The following CTC1 variants were observed in gnomAD, a reference collection of about 807,000 sequenced individuals.
The protein encoded by CTC1 is CST telomere replication complex component 1.
CTC1 carries 91 observed loss-of-function variants against 136.3 expected under a neutral mutation model. The ratio of observed to expected loss-of-function variants is 0.67; its 90% CI spans 0.56 to 0.79. The LOEUF is 0.79. CTC1 is among the 30% of genes least tolerant of loss of function. The probability of loss-of-function intolerance (pLI) is 0.00; values close to 1 mark genes in which losing one functional copy is unlikely to be tolerated. For missense variants in CTC1, 1,432 were observed against 1,498.1 expected (o/e 0.96, Z 0.73); for synonymous variants, 606 against 613.8 (o/e 0.99, Z 0.19).
rs1986737695 is a variant in CTC1 at position 8,226,824 on chromosome 17, CCA to C, written c.*1354_*1355del. The stretch of plus-strand genomic sequence containing the variant: ...GTGAACCTTCCTTTCACCCGGGTGC[CCA>C]GAGACTCCTCCCTCCAAGCCTTCGG... On this transcript the variant is annotated 3_prime_UTR_variant, in exon 23 of 23. Transcript: ENST00000651323. The C allele has an allele frequency of 3.3e-5, 5 of 152,262 alleles. No individual in the cohort carries two copies. Among genetic ancestry groups the C allele is most frequent in the Admixed American group, 2.0e-4 (3 of 15,290 alleles). 9.4% of individuals were successfully genotyped at this position (152,262 alleles called of 1,614,324 possible). A position where few individuals can be genotyped will look rare whatever the true frequency, so the allele number is the denominator to read the frequency against.
intron 15 of CTC1, 136 bp downstream of exon 15, chr17:8,231,140 C>CAA (rs375104077): frequency 1.1e-4 from 76 of 714,038 alleles, no homozygotes; most frequent in Non-Finnish European, 1.4e-4. Flanking sequence ...GACTCCGTCT[C>CAA]AAAAAAAAAC....
intron 17 of CTC1, 88 bp downstream of exon 17, chr17:8,230,206 G>C: frequency 7.5e-7 from 1 of 1,325,732 alleles, no homozygotes; most frequent in Non-Finnish European, 1.0e-6. Context: ...AAAGAGAAGG[G>C]GTCGCTGCAG....
At chr17:8,237,265 TC>T in intron 5 of CTC1, 109 bp downstream of exon 5, 1 of 1,242,068 alleles carries the variant, frequency 8.1e-7, no homozygotes, top group Non-Finnish European at 1.2e-6. Flanking sequence ...AAAACAGCTC[TC>T]CCCAGCTGTC....
In CTC1 at chr17:8,235,111, G is replaced by T. The variant is rs1457326228; in HGVS notation, c.1381C>A (p.Gln461Lys). The T allele has an allele frequency of 1.9e-6, 3 of 1,614,066 alleles. No individual in the cohort carries two copies. Among genetic ancestry groups the T allele is most frequent in the Non-Finnish European group, 8.5e-7 (1 of 1,180,046 alleles). Residue 461 changes from glutamine (Q) to lysine (K), a missense_variant, in exon 8 of 23, where the codon CAG (glutamine) becomes AAG (lysine). Coordinates refer to ENST00000651323, the MANE Select transcript of CTC1 (RefSeq NM_025099.6). ...SLYEQLVWER[Q>K]LGLPLYLWAT... is the part of the protein sequence containing the mutation. ...CACAGGTAGAGGGGAAGTCCTAACTGACGTTCCCACACCAGCTGCTCGTAC... is the reference window on the plus strand; with the variant it reads ...CACAGGTAGAGGGGAAGTCCTAACTTACGTTCCCACACCAGCTGCTCGTAC...
intron 2 of CTC1, among the ~76,000 whole-genome samples, chr17:8,240,241 G>A (rs1023496057): frequency 4.1e-5 from 6 of 147,590 alleles, no homozygotes; most frequent in Non-Finnish European, 5.9e-5. Context: ...TGCAACCTCC[G>A]CCTGCCGGGT....
At position 8,243,116 on chromosome 17, in the gene CTC1, G is replaced by T. The variant is rs1360312979; in HGVS notation, c.66C>A (p.Phe22Leu). Reference sequence around the variant, plus strand: ...CAGCTGGACACAGGGTCTTTTGGATGAAGACCTGAGCATCCTCAAGCCAGG... The same window carrying T: ...CAGCTGGACACAGGGTCTTTTGGATTAAGACCTGAGCATCCTCAAGCCAGG... ...EQAWLEDAQV[F>L]IQKTLCPAVK... Residue 22 changes from phenylalanine to leucine, a missense_variant, in exon 2 of 23, where the codon TTC (phenylalanine) becomes TTA (leucine). By Grantham distance (22) the Phe-to-Leu change is conservative (BLOSUM62 0). Transcript: ENST00000651323. 1 of 1,613,902 alleles carries T rather than the reference G, an allele frequency of 6.2e-7. No individual in the cohort carries two copies. The highest frequency in any genetic ancestry group is 1.1e-5 in the South Asian group (1 of 91,050).
intron 15 of CTC1, 152 bp from the exon 16 acceptor site, chr17:8,230,803 TAA>T (rs2151505214): frequency 1.5e-6 from 1 of 654,030 alleles, no homozygotes; most frequent in African/African-American, 1.8e-5. Flanking sequence ...CACTGCACAC[TAA>T]GAGTAACAGG....
rs781050870 is a variant in CTC1, at chr17:8,228,174, G to C, written c.*6C>G. The C allele has an allele frequency of 6.2e-7, 1 of 1,613,414 alleles. No homozygotes were observed. The highest frequency in any genetic ancestry group is 1.1e-5 in the South Asian group (1 of 91,072). ...GAAGGACTCTCAGGCCATCCTTGCA[G>C]TTCAGTTAACAGGAGGAAGCAAGGA... On this transcript the variant is annotated 3_prime_UTR_variant, in exon 23 of 23. Transcript: ENST00000651323.
At position 8,229,494 on chromosome 17, in the gene CTC1, G is replaced by A. The variant is rs544292586; in HGVS notation, c.3012-48C>T. The stretch of plus-strand genomic sequence containing the variant: ...AGACAGGGGTCAAGATAACAGAACA[G>A]GCAAAGGGGTTCTGAAAGCAGGGTG... On this transcript the variant is annotated intron_variant, in intron 18 of 22. Transcript: ENST00000651323. The A allele has an allele frequency of 1.4e-5, 22 of 1,552,514 alleles. No homozygotes were observed. The African/African-American group carries it at 3.0e-4, about 21-fold the overall frequency.
At chr17:8,228,937 T>C in intron 20 of CTC1, 45 bp from the exon 21 acceptor site, 1 of 1,574,346 alleles carries the variant, frequency 6.4e-7, no homozygotes. Context: ...GCAACCCAGG[T>C]TGCCAACACC....
In CTC1 at chr17:8,242,993, G is replaced by C. The variant is rs188658691; in HGVS notation, c.189C>G (p.Leu63=). 4.5e-4 allele frequency: 718 copies of C among 1,611,800 alleles called. 4 individuals carry two copies. In the East Asian group the frequency reaches 7.5e-3, roughly 17 times the overall value. ...CCGCCACCTCTCCTTACCTATAGCT[G>C]AGGGGCAGTGTAGAACCTTGGTTCC... ...QGRNQGSTLP[L]SYSFVSVQDL... Residue 63 remains leucine, a synonymous_variant, in exon 2 of 23, where the codon CTC becomes CTG. Coordinates refer to ENST00000651323, the MANE Select transcript of CTC1 (RefSeq NM_025099.6).
chr17:8,235,440 C>T lies in CTC1; in HGVS notation c.1207-155G>A, dbSNP rs769072883. 123 of 627,772 alleles carry T rather than the reference C, an allele frequency of 2.0e-4. No homozygotes were observed. The Middle Eastern group carries it at 2.1e-3, about 11-fold the overall frequency. 38.9% of individuals were successfully genotyped at this position (627,772 alleles called of 1,614,324 possible). On this transcript the variant is annotated intron_variant, in intron 7 of 22. Transcript: ENST00000651323. ...TGGCCTCACTTTCCATTACAACCCA[C>T]TCCCGCTGCGGTCAGCCTTCATCTC...
Position 8,238,617 on chromosome 17 carries a change from T to C in CTC1, c.210A>G (p.Val70=). The stretch of plus-strand genomic sequence containing the variant: ...GACGCTGGTGAGTCTTGAGGTCCTG[T>C]ACTGAGACGAAGCTGTAGAGTGAAG... ...TLPLSYSFVS[V]QDLKTHQRLP... Residue 70 remains valine, a synonymous_variant, in exon 3 of 23, where the codon GTA becomes GTG. Coordinates refer to ENST00000651323, the MANE Select transcript of CTC1 (RefSeq NM_025099.6). The C allele has an allele frequency of 2.5e-6, 4 of 1,601,766 alleles. No individual in the cohort carries two copies. Among genetic ancestry groups the C allele is most frequent in the Non-Finnish European group, 3.4e-6 (4 of 1,173,446 alleles).
chr17:8,233,097 G>A, intron 10 of CTC1, 65 bp from the exon 11 acceptor site: 3 of 1,552,930 alleles, frequency 1.9e-6, no homozygotes, highest in Non-Finnish European at 2.7e-6. Flanking sequence ...TCTACTATTT[G>A]CCAGATGCTG....
At chr17:8,231,599 T>C in intron 14 of CTC1, 127 bp downstream of exon 14, 1 of 1,212,052 alleles carries the variant, frequency 8.3e-7, no homozygotes. Context: ...ACACAGGCTT[T>C]CTGGTGTATC....
At chr17:8,228,682 C>G in intron 21 of CTC1, 45 bp downstream of exon 21, 1 of 1,613,946 alleles carries the variant, frequency 6.2e-7, no homozygotes, top group Non-Finnish European at 8.5e-7. Flanking sequence ...GCCAAAAGCC[C>G]AGGAATTTGG....
At chr17:8,235,985 A>G in intron 6 of CTC1, 26 bp from the exon 7 acceptor site, 1 of 1,600,424 alleles carries the variant, frequency 6.2e-7, no homozygotes, top group Non-Finnish European at 8.6e-7. Context: ...GGTCCAGTTG[A>G]CCACTATTTT....
rs1269370090 is a variant in CTC1, at chr17:8,236,345, G to T, written c.793-3C>A. Reference sequence around the variant, plus strand: ...TGCCACACCAGCTGGGCAGGGACCTGGCTTGTGCAGAGACAGGCAATGTGA... The same window carrying T: ...TGCCACACCAGCTGGGCAGGGACCTTGCTTGTGCAGAGACAGGCAATGTGA... On this transcript the variant is annotated splice_polypyrimidine_tract_variant and splice_region_variant and intron_variant, in intron 5 of 22. Coordinates refer to ENST00000651323, the MANE Select transcript of CTC1 (RefSeq NM_025099.6). 3.7e-6 allele frequency: 6 copies of T among 1,602,276 alleles called. No homozygotes were observed. Among genetic ancestry groups the T allele is most frequent in the Non-Finnish European group, 5.1e-6 (6 of 1,178,280 alleles).
At chr17:8,240,974 A>T (rs370578708) in intron 2 of CTC1, among the ~76,000 whole-genome samples, 1 of 152,044 alleles carries the variant, frequency 6.6e-6, no homozygotes, top group Admixed American at 6.6e-5. Flanking sequence ...TAACCAAGGT[A>T]AACACAGGCT....
Sources: allele counts gnomAD v4.1 joint callset (sites outside exome capture counted in the v4.1 genomes callset), GRCh38; gene constraint gnomAD v4.1.1; transcripts MANE v1.5; gene names NCBI Gene and HGNC (gene_info 2026-07-23, HGNC 2026-07-21).